ZMAT3: variants seen among roughly 807,000 people sequenced by gnomAD.
ZMAT3 encodes zinc finger matrin-type 3.
A neutral mutation model predicts 32.3 loss-of-function variants in ZMAT3; 17 were observed. The observed-to-expected ratio is 0.53, with a 90% CI of 0.36 to 0.79. The LOEUF (loss-of-function observed/expected upper bound fraction) is 0.79, where lower values mean the gene tolerates loss of function less well. ZMAT3 is among the 30% of genes least tolerant of loss of function. The pLI is 0.00. For missense variants in ZMAT3, 329 were observed against 359.7 expected (o/e 0.91, Z 0.69); for synonymous variants, 120 against 133.1 (o/e 0.90, Z 0.68).
At chr3:179,034,177 T>C (rs1000171617) in intron 2 of ZMAT3, among the ~76,000 whole-genome samples, 1 of 152,252 alleles carries the variant, frequency 6.6e-6, no homozygotes, top group African/African-American at 2.4e-5. Context: ...ATTTATATGC[T>C]AAGCCCTAGA....
Position 179,061,151 on chromosome 3 carries a change from C to T in ZMAT3, c.270+6332G>A, listed in dbSNP as rs182639972. The stretch of plus-strand genomic sequence containing the variant: ...ACAAAACAAGATTTAAAAAAGAAAA[C>T]ATATATTTAGAAAATAGTGATCCCA... On this transcript the variant is annotated intron_variant, in intron 2 of 5. Coordinates refer to ENST00000311417, the MANE Select transcript of ZMAT3 (RefSeq NM_022470.4). 1.2e-3 allele frequency among the ~76,000 whole-genome samples: 183 copies of T among 151,996 alleles called. 1 individual carries two copies. Among genetic ancestry groups the T allele is most frequent in the Non-Finnish European group, 2.0e-3 (137 of 67,932 alleles).
rs1421576656 is a variant in ZMAT3 at position 179,021,526 on chromosome 3, C to T, written c.*3491G>A. 6.6e-6 allele frequency: 1 copy of T among 151,954 alleles called. No homozygotes were observed. The highest frequency in any genetic ancestry group is 1.5e-5 in the Non-Finnish European group (1 of 68,010). The allele number at this position is 151,954 out of a possible 1,614,324, so 9.4% of individuals were successfully genotyped here. A position where few individuals can be genotyped will look rare whatever the true frequency, so the allele number is the denominator to read the frequency against. ...TGCTATGAGTTCCTATGGATGATTA[C>T]CGAAATCTAAGTATTTTTTTTTCTA... On this transcript the variant is annotated 3_prime_UTR_variant, in exon 6 of 6. Coordinates refer to ENST00000311417, the MANE Select transcript of ZMAT3 (RefSeq NM_022470.4).
rs1161509364 is a variant in ZMAT3 at position 179,018,215 on chromosome 3, C to T, written c.*6802G>A. On this transcript the variant is annotated 3_prime_UTR_variant, in exon 6 of 6. Coordinates refer to ENST00000311417, the MANE Select transcript of ZMAT3 (RefSeq NM_022470.4). The stretch of plus-strand genomic sequence containing the variant: ...AAAAATATATCATGTAGAGAATACA[C>T]AAATAATAATAAATGATATAGAACA... The T allele has an allele frequency of 6.6e-6, 1 of 151,952 alleles. No homozygotes were observed. The highest frequency in any genetic ancestry group is 2.4e-5 in the African/African-American group (1 of 41,368). 9.4% of individuals were successfully genotyped at this position (151,952 alleles called of 1,614,324 possible). A position where few individuals can be genotyped will look rare whatever the true frequency, so the allele number is the denominator to read the frequency against.
At chr3:179,049,592 T>C (rs1720431028) in intron 2 of ZMAT3, among the ~76,000 whole-genome samples, 1 of 152,100 alleles carries the variant, frequency 6.6e-6, no homozygotes, top group African/African-American at 2.4e-5. Flanking sequence ...AAAATCAAGA[T>C]GGAAATTAAA....
At chr3:179,052,384 T>C (rs779771316) in intron 2 of ZMAT3, among the ~76,000 whole-genome samples, 1 of 151,924 alleles carries the variant, frequency 6.6e-6, no homozygotes, top group Non-Finnish European at 1.5e-5. Flanking sequence ...GCAATAAACA[T>C]ATGAAAAAAA....
At chr3:179,060,693 C>T (rs966853843) in intron 2 of ZMAT3, among the ~76,000 whole-genome samples, 1 of 151,980 alleles carries the variant, frequency 6.6e-6, no homozygotes, top group South Asian at 2.1e-4. Context: ...AACAGAAGTA[C>T]ACAAACTGAA....
chr3:179,025,742 T>C (rs953677085), intron 5 of ZMAT3, among the ~76,000 whole-genome samples: 6 of 152,200 alleles, frequency 3.9e-5, no homozygotes, highest in Non-Finnish European at 7.4e-5. Context: ...TGGAAAACTA[T>C]GCCATTGCTA....
At chr3:179,058,673 A>G (rs1266430182) in intron 2 of ZMAT3, among the ~76,000 whole-genome samples, 9 of 149,986 alleles carry the variant, frequency 6.0e-5, no homozygotes, top group East Asian at 2.0e-4. Context: ...GGAGAATGGC[A>G]TGAACCCGGG....
chr3:179,068,017 T>C (rs764842585), intron 1 of ZMAT3, among the ~76,000 whole-genome samples: 2 of 152,198 alleles, frequency 1.3e-5, no homozygotes, highest in African/African-American at 4.8e-5. Flanking sequence ...AATGGCTTTA[T>C]AGATTTGGCT....
At chr3:179,038,693 A>T (rs1719739324) in intron 2 of ZMAT3, among the ~76,000 whole-genome samples, 1 of 152,210 alleles carries the variant, frequency 6.6e-6, no homozygotes, top group Non-Finnish European at 1.5e-5. Context: ...TACCTGGTTC[A>T]CCTCACTGGG....
chr3:179,044,527 C>T (rs998863609), intron 2 of ZMAT3, among the ~76,000 whole-genome samples: 6 of 152,066 alleles, frequency 3.9e-5, no homozygotes, highest in African/African-American at 1.2e-4. Flanking sequence ...GCTTGTAGTC[C>T]CAGCTACTTG....
chr3:179,054,822 T>C (rs1176109187), intron 2 of ZMAT3, among the ~76,000 whole-genome samples: 2 of 152,290 alleles, frequency 1.3e-5, no homozygotes, highest in South Asian at 2.1e-4. Context: ...GAGGCGCCCA[T>C]TGCTGCTCCC....
At chr3:179,027,336 A>G in intron 5 of ZMAT3, 87 bp downstream of exon 5, 4 of 1,200,966 alleles carry the variant, frequency 3.3e-6, no homozygotes, top group African/African-American at 1.5e-5. Context: ...CCAAATTCTC[A>G]GGGCTATCTA....
chr3:179,025,044 A>G lies in ZMAT3; in HGVS notation c.843T>C (p.Asn281=), dbSNP rs778428739. Residue 281 remains asparagine, a synonymous_variant, in exon 6 of 6, where the codon AAT becomes AAC. Coordinates refer to ENST00000311417, the MANE Select transcript of ZMAT3 (RefSeq NM_022470.4). ...ATACATATCCCAGATTCTCCATCTC[A>G]TTCCTGTACCGCTGTTCAGACACCT... is the stretch of plus-strand genomic sequence containing the variant. ...KSKVSEQRYR[N]EMENLGYV is the part of the protein sequence containing the mutation. 1 of 1,613,608 alleles carries G rather than the reference A, an allele frequency of 6.2e-7. No individual in the cohort carries two copies. Among genetic ancestry groups the G allele is most frequent in the East Asian group, 2.2e-5 (1 of 44,884 alleles).
intron 2 of ZMAT3, among the ~76,000 whole-genome samples, chr3:179,051,428 T>C (rs4132064): frequency 0.17 from 25,239 of 151,898 alleles, 2,308 homozygotes; most frequent in African/African-American, 0.25. Context: ...ATAAAATACA[T>C]AGGAATATAC....
intron 3 of ZMAT3, among the ~76,000 whole-genome samples, chr3:179,028,207 C>A (rs1238148123): frequency 2.0e-5 from 3 of 152,202 alleles, no homozygotes; most frequent in African/African-American, 7.2e-5. Flanking sequence ...ATCAGGGTTG[C>A]TGTCTAGTCC....
intron 2 of ZMAT3, among the ~76,000 whole-genome samples, chr3:179,037,508 G>A (rs545751468): frequency 2.6e-5 from 4 of 152,284 alleles, no homozygotes; most frequent in African/African-American, 7.2e-5. Flanking sequence ...GGCACAAGCC[G>A]AGCACAGCCT....
Position 179,025,071 on chromosome 3 carries a change from G to C in ZMAT3, c.816C>G (p.Ser272Arg). The C allele has an allele frequency of 6.2e-7, 1 of 1,614,180 alleles. No individual in the cohort carries two copies. Among genetic ancestry groups the C allele is most frequent in the Non-Finnish European group, 8.5e-7 (1 of 1,180,046 alleles). The part of the protein sequence containing the change: ...RQHLESKQHK[S>R]KVSEQRYRNE... ...TCCTGTACCGCTGTTCAGACACCTT[G>C]CTCTTATGTTGCTTGCTCTCTAAAT... The change falls in exon 6 of 6, where the codon AGC becomes AGG. Residue 272 changes from serine (S) to arginine (R), a missense_variant. Physicochemically the swap from Ser to Arg is moderately radical, Grantham distance 110 (BLOSUM62 -1). Coordinates refer to ENST00000311417, the MANE Select transcript of ZMAT3 (RefSeq NM_022470.4).
rs1718588259 is a variant in ZMAT3, at chr3:179,022,321, G to A, written c.*2696C>T. 1 of 152,082 alleles carries A rather than the reference G, an allele frequency of 6.6e-6. No individual in the cohort carries two copies. Among genetic ancestry groups the A allele is most frequent in the African/African-American group, 2.4e-5 (1 of 41,404 alleles). 9.4% of individuals were successfully genotyped at this position (152,082 alleles called of 1,614,324 possible). ...AACTATTTCCAATGGAAAACAAAGT[G>A]GATGAATGACATTTTTACAAAATAT... is the stretch of plus-strand genomic sequence containing the variant. On this transcript the variant is annotated 3_prime_UTR_variant, in exon 6 of 6. Coordinates refer to ENST00000311417, the MANE Select transcript of ZMAT3 (RefSeq NM_022470.4).
Sources: gnomAD v4.1 joint callset for allele counts (sites outside exome capture counted in the v4.1 genomes callset) on GRCh38, gnomAD v4.1.1 for gene constraint, MANE v1.5 for transcripts, NCBI Gene and HGNC (gene_info 2026-07-23, HGNC 2026-07-21) for gene names.